Variants in MDGA2 observed in about 807,000 individuals in gnomAD.
MDGA2 encodes MAM domain-containing glycosylphosphatidylinositol anchor protein 2.
A neutral mutation model predicts 117.8 loss-of-function variants in MDGA2; 40 were observed. That is an observed-to-expected ratio of 0.34 (90% confidence interval 0.26 to 0.44). The LOEUF is 0.44. Among genes scored for constraint, MDGA2 ranks in the 20% least tolerant of loss-of-function variants. The pLI is 1.00. For missense variants in MDGA2, 1,123 were observed against 1,250.6 expected (o/e 0.90, Z 1.54); for synonymous variants, 452 against 439.0 (o/e 1.03, Z -0.37).
At chr14:47,447,362 T>C (rs1174964623) in intron 1 of MDGA2, among the ~76,000 whole-genome samples, 1 of 152,132 alleles carries the variant, frequency 6.6e-6, no homozygotes, top group Non-Finnish European at 1.5e-5. Flanking sequence ...AGGGAGTTAG[T>C]GCAGGGAAGA....
At chr14:47,053,652 T>TATATAC (rs1889552362) in intron 7 of MDGA2, among the ~76,000 whole-genome samples, 2 of 91,796 alleles carry the variant, frequency 2.2e-5, no homozygotes, top group Non-Finnish European at 4.3e-5. Context: ...TATATATATA[T>TATATAC]ATACACACAC....
chr14:47,590,160 C>G (rs1203308883), intron 1 of MDGA2, among the ~76,000 whole-genome samples: 1 of 151,814 alleles, frequency 6.6e-6, no homozygotes, highest in Non-Finnish European at 1.5e-5. Context: ...TTCTTCCTTT[C>G]CAATCTAGAT....
intron 1 of MDGA2, among the ~76,000 whole-genome samples, chr14:47,461,156 G>A (rs1055318573): frequency 3.3e-5 from 5 of 152,104 alleles, no homozygotes; most frequent in African/African-American, 1.2e-4. Flanking sequence ...TAGGACCAGG[G>A]AGGCTAGACA....
intron 8 of MDGA2, among the ~76,000 whole-genome samples, chr14:46,984,728 T>C (rs1886802883): frequency 6.6e-6 from 1 of 152,094 alleles, no homozygotes; most frequent in African/African-American, 2.4e-5. Flanking sequence ...TTAGTTGGAA[T>C]TGCCAATTTG....
intron 8 of MDGA2, among the ~76,000 whole-genome samples, chr14:47,006,796 C>G (rs1267519648): frequency 6.6e-6 from 1 of 151,602 alleles, no homozygotes; most frequent in East Asian, 1.9e-4. Flanking sequence ...GCAAACTGAT[C>G]TTTAAACAGA....
chr14:47,642,718 AT>A (rs1411417422), intron 1 of MDGA2, among the ~76,000 whole-genome samples: 1 of 152,050 alleles, frequency 6.6e-6, no homozygotes, highest in Non-Finnish European at 1.5e-5. Context: ...AAGCATAAAC[AT>A]TGTAAATTCC....
chr14:47,120,550 G>A (rs1176982068), intron 5 of MDGA2, among the ~76,000 whole-genome samples: 4 of 152,134 alleles, frequency 2.6e-5, no homozygotes, highest in Non-Finnish European at 5.9e-5. Flanking sequence ...AGCAAGAAGA[G>A]TATGTTGTTA....
chr14:46,940,931 C>A (rs903310299), intron 9 of MDGA2, among the ~76,000 whole-genome samples: 2 of 152,140 alleles, frequency 1.3e-5, no homozygotes, highest in Non-Finnish European at 2.9e-5. Flanking sequence ...TGCTGTTTAT[C>A]TTCTAGGAAC....
chr14:47,226,005 C>G (rs887092901), intron 2 of MDGA2, among the ~76,000 whole-genome samples: 6 of 151,748 alleles, frequency 4.0e-5, no homozygotes, highest in African/African-American at 1.5e-4. Context: ...AAAAGGGAGC[C>G]TGGCCGGGAG....
intron 3 of MDGA2, among the ~76,000 whole-genome samples, chr14:47,175,796 T>C (rs201345710): frequency 1.0e-4 from 15 of 146,370 alleles, no homozygotes; most frequent in African/African-American, 3.4e-4. Context: ...GAAGTTCTGG[T>C]CAGGGCAATT....
chr14:47,343,961 G>T (rs1473565228), intron 1 of MDGA2, among the ~76,000 whole-genome samples: 1 of 152,084 alleles, frequency 6.6e-6, no homozygotes, highest in East Asian at 1.9e-4. Flanking sequence ...GATTTATCCT[G>T]ACTCTTGGAA....
chr14:47,040,196 G>A (rs1368634483), intron 7 of MDGA2, among the ~76,000 whole-genome samples: 2 of 152,042 alleles, frequency 1.3e-5, no homozygotes, highest in African/African-American at 4.8e-5. Context: ...ACATTAAATA[G>A]CAAGGTAATT....
At chr14:47,335,264 G>GA (rs753734207) in intron 1 of MDGA2, among the ~76,000 whole-genome samples, 4,863 of 46,240 alleles carry the variant, frequency 0.11, 127 homozygotes, top group African/African-American at 0.17. Context: ...GTACTACACA[G>GA]AAAAAAAAAA....
At chr14:47,437,021 A>G (rs949811047) in intron 1 of MDGA2, among the ~76,000 whole-genome samples, 6 of 152,124 alleles carry the variant, frequency 3.9e-5, no homozygotes, top group African/African-American at 1.4e-4. Flanking sequence ...CTAACACCAT[A>G]CAAAAAGCTA....
intron 1 of MDGA2, among the ~76,000 whole-genome samples, chr14:47,541,378 T>C (rs1051169345): frequency 6.6e-6 from 1 of 152,186 alleles, no homozygotes. Flanking sequence ...CAGAAAGCAG[T>C]CACAGCAGTT....
At chr14:47,184,792 T>TA (rs893776445) in intron 3 of MDGA2, among the ~76,000 whole-genome samples, 2 of 151,682 alleles carry the variant, frequency 1.3e-5, no homozygotes, top group Non-Finnish European at 3.0e-5. Flanking sequence ...CTGAGGTGAA[T>TA]AAAGATGTTT....
At chr14:47,445,384 T>C (rs1370457942) in intron 1 of MDGA2, among the ~76,000 whole-genome samples, 1 of 152,158 alleles carries the variant, frequency 6.6e-6, no homozygotes, top group African/African-American at 2.4e-5. Context: ...TTTACACACA[T>C]TGTTCAGAGA....
At chr14:46,872,382 T>C (rs1315583089) in intron 14 of MDGA2, among the ~76,000 whole-genome samples, 2 of 151,960 alleles carry the variant, frequency 1.3e-5, no homozygotes, top group Non-Finnish European at 2.9e-5. Context: ...CTCTGCGTAT[T>C]GAAAACATAC....
intron 8 of MDGA2, among the ~76,000 whole-genome samples, chr14:46,978,224 T>C (rs1251670176): frequency 6.6e-6 from 1 of 152,020 alleles, no homozygotes; most frequent in African/African-American, 2.4e-5. Flanking sequence ...TAATTTACTC[T>C]TTTGTCTATT....
Sources: gnomAD v4.1 joint callset for allele counts (sites outside exome capture counted in the v4.1 genomes callset) on GRCh38, gnomAD v4.1.1 for gene constraint, MANE v1.5 for transcripts, NCBI Gene and HGNC (gene_info 2026-07-23, HGNC 2026-07-21) for gene names.